The following FOXP4 variants were observed in gnomAD, a reference collection of about 807,000 sequenced individuals.
FOXP4 encodes forkhead box P4.
FOXP4 carries 25 observed loss-of-function variants against 82.6 expected under a neutral mutation model. The ratio of observed to expected loss-of-function variants is 0.30; its 90% confidence interval spans 0.22 to 0.42. FOXP4 has a LOEUF of 0.42. FOXP4 is among the 10% of genes least tolerant of loss of function. FOXP4 has a pLI of 1.00. For missense variants in FOXP4, 785 were observed against 900.9 expected (o/e 0.87, Z 1.65); for synonymous variants, 415 against 388.2 (o/e 1.07, Z -0.81).
chr6:41,571,655 T>G lies in FOXP4; in HGVS notation c.204+5691T>G, dbSNP rs1581736473. On this transcript the variant is annotated intron_variant, in intron 2 of 16. Transcript: ENST00000307972. The stretch of plus-strand genomic sequence containing the variant: ...TTTTACGAGGTTGGTGTAAAAAAAT[T>G]TACAGCCTTTTCCAAAAAGCTTTTT... Among the ~76,000 whole-genome samples, 4 of 152,294 alleles carry G rather than the reference T, an allele frequency of 2.6e-5. No individual in the cohort carries two copies. The East Asian group carries it at 7.7e-4, about 29-fold the overall frequency.
intron 14 of FOXP4, among the ~76,000 whole-genome samples, chr6:41,595,275 C>T (rs1372848032): frequency 6.6e-6 from 1 of 152,240 alleles, no homozygotes; most frequent in African/African-American, 2.4e-5. Flanking sequence ...AGACAGGGGC[C>T]CCAAGTAGCC....
chr6:41,584,946 C>T (rs1437127717), intron 4 of FOXP4, 55 bp downstream of exon 4: 16 of 1,541,078 alleles, frequency 1.0e-5, no homozygotes, highest in South Asian at 8.6e-5. Flanking sequence ...CCTGGCTCCT[C>T]CCACCCTGTT....
In FOXP4 at chr6:41,600,510, C is replaced by T. The variant is rs1014119471; in HGVS notation, c.*1574C>T. ...ATTTCCCAAGAACCCCCCACATACA[C>T]CCCTCACAAGCCACCCCTCCTGAGA... is the stretch of plus-strand genomic sequence containing the variant. On this transcript the variant is annotated 3_prime_UTR_variant, in exon 17 of 17. Transcript: ENST00000307972. 5 of 152,504 alleles carry T rather than the reference C, an allele frequency of 3.3e-5. No homozygotes were observed. The highest frequency in any genetic ancestry group is 7.2e-5 in the African/African-American group (3 of 41,440). 9.4% of individuals were successfully genotyped at this position (152,504 alleles called of 1,614,324 possible). A position where few individuals can be genotyped will look rare whatever the true frequency, so the allele number is the denominator to read the frequency against.
intron 1 of FOXP4, among the ~76,000 whole-genome samples, chr6:41,554,469 C>G (rs1468831498): frequency 1.3e-5 from 2 of 152,216 alleles, no homozygotes; most frequent in African/African-American, 4.8e-5. Flanking sequence ...ACCAGCCTAG[C>G]CCCTGAAGGC....
At chr6:41,578,910 C>T (rs1444531664) in intron 3 of FOXP4, among the ~76,000 whole-genome samples, 1 of 152,050 alleles carries the variant, frequency 6.6e-6, no homozygotes, top group Non-Finnish European at 1.5e-5. Context: ...AGGGATTAAG[C>T]CAGGCTTTGA....
chr6:41,550,836 G>A lies in FOXP4; in HGVS notation c.-17+3969G>A, dbSNP rs577767649. Among the ~76,000 whole-genome samples the A allele has an allele frequency of 3.3e-5, 5 of 152,274 alleles. No individual in the cohort carries two copies. In the South Asian group the frequency reaches 8.3e-4, roughly 25 times the overall value. On this transcript the variant is annotated intron_variant, in intron 1 of 16. Transcript: ENST00000307972. ...AGAGAATTCCCCAGAATGCAGAGGA[G>A]GAAAAATGACTGATAACCCCTCTCT... is the stretch of plus-strand genomic sequence containing the variant.
rs764737959 is a variant in FOXP4 at position 41,597,763 on chromosome 6, A to C, written c.1726-18A>C. The C allele has an allele frequency of 1.2e-6, 2 of 1,602,754 alleles. No individual in the cohort carries two copies. The highest frequency in any genetic ancestry group is 1.7e-6 in the Non-Finnish European group (2 of 1,178,178). ...TCCTGTGGAGCCACTGACGAGGCCC[A>C]ACCCTGTGCCCCTGCAGGCCGCCCT... On this transcript the variant is annotated intron_variant, in intron 15 of 16. Coordinates refer to ENST00000307972, the MANE Select transcript of FOXP4 (RefSeq NM_001012426.2).
At chr6:41,586,900 T>C in intron 5 of FOXP4, 109 bp from the exon 6 acceptor site, 1 of 1,442,248 alleles carries the variant, frequency 6.9e-7, no homozygotes, top group South Asian at 1.4e-5. Context: ...CAACGACAGC[T>C]CCAGGGGCTG....
intron 1 of FOXP4, among the ~76,000 whole-genome samples, chr6:41,548,986 T>C (rs1044305625): frequency 6.6e-6 from 1 of 151,994 alleles, no homozygotes; most frequent in Non-Finnish European, 1.5e-5. Flanking sequence ...CAAAAAACTG[T>C]GAGTTGGGGG....
Position 41,565,730 on chromosome 6 carries a change from C to A in FOXP4, c.-16-15C>A. 6.4e-7 allele frequency: 1 copy of A among 1,565,786 alleles called. No individual in the cohort carries two copies. Among genetic ancestry groups the A allele is most frequent in the South Asian group, 1.2e-5 (1 of 83,344 alleles). The stretch of plus-strand genomic sequence containing the variant: ...CAGCCTCAGCCTCTCCCCTGTGTCT[C>A]TCTTCCTCCTCCAGGTACCGCTAGA... On this transcript the variant is annotated splice_polypyrimidine_tract_variant and intron_variant, in intron 1 of 16. Coordinates refer to ENST00000307972, the MANE Select transcript of FOXP4 (RefSeq NM_001012426.2).
chr6:41,580,355 C>T (rs546903770), intron 3 of FOXP4, among the ~76,000 whole-genome samples: 4 of 152,308 alleles, frequency 2.6e-5, no homozygotes, highest in South Asian at 2.1e-4. Context: ...GGATTACAGG[C>T]GTGAGCCATC....
chr6:41,589,733 A>G, intron 9 of FOXP4, 38 bp from the exon 10 acceptor site: 2 of 1,599,790 alleles, frequency 1.3e-6, no homozygotes, highest in Non-Finnish European at 1.7e-6. Flanking sequence ...TCCAGGGTTC[A>G]GCCTCCCGCT....
chr6:41,553,570 C>T (rs1764116999), intron 1 of FOXP4, among the ~76,000 whole-genome samples: 1 of 152,178 alleles, frequency 6.6e-6, no homozygotes, highest in South Asian at 2.1e-4. Context: ...GGCAGGAGGA[C>T]TTCCCCTCCC....
chr6:41,551,549 T>C (rs1763999563), intron 1 of FOXP4, among the ~76,000 whole-genome samples: 1 of 152,132 alleles, frequency 6.6e-6, no homozygotes, highest in Non-Finnish European at 1.5e-5. Flanking sequence ...TGGAGCCAGT[T>C]GATAGTGCAA....
At chr6:41,551,784 G>A (rs2148342) in intron 1 of FOXP4, among the ~76,000 whole-genome samples, 53,736 of 152,018 alleles carry the variant, frequency 0.35, 10,012 homozygotes, top group African/African-American at 0.47. Context: ...TGAAGGTAGG[G>A]TGGCTTAGGG....
At chr6:41,568,977 C>T (rs1765034042) in intron 2 of FOXP4, among the ~76,000 whole-genome samples, 1 of 152,134 alleles carries the variant, frequency 6.6e-6, no homozygotes. Context: ...GGGGGGTGAC[C>T]TGGCTTGGCT....
In FOXP4 at chr6:41,585,533, AG is replaced by A. The variant is rs1346508697; in HGVS notation, c.510+19del. 1 of 1,610,990 alleles carries A rather than the reference AG, an allele frequency of 6.2e-7. No homozygotes were observed. The highest frequency in any genetic ancestry group is 1.1e-5 in the South Asian group (1 of 90,726). ...GCCCAAAGAGGTAAGGGGCTGTACCAGGGCCCACCACCGCCCTCACCCCCTG... is the reference window on the plus strand; with the variant it reads ...GCCCAAAGAGGTAAGGGGCTGTACCAGGCCCACCACCGCCCTCACCCCCTG... On this transcript the variant is annotated intron_variant, in intron 5 of 16. Transcript: ENST00000307972.
chr6:41,549,895 T>C (rs1040598901), intron 1 of FOXP4, among the ~76,000 whole-genome samples: 1 of 152,160 alleles, frequency 6.6e-6, no homozygotes, highest in Non-Finnish European at 1.5e-5. Context: ...CCAGCCACAG[T>C]GCAAGCCCCC....
rs367979833 is a variant in FOXP4 at position 41,562,980 on chromosome 6, A to G, written c.-16-2765A>G. ...CACCGCCACTAGCCCTCAGGCTGAC[A>G]TGGCCATTAAGGCCTGAGACCGAGT... On this transcript the variant is annotated intron_variant, in intron 1 of 16. Coordinates refer to ENST00000307972, the MANE Select transcript of FOXP4 (RefSeq NM_001012426.2). Among the ~76,000 whole-genome samples, 110 of 152,330 alleles carry G rather than the reference A, an allele frequency of 7.2e-4. 1 individual carries two copies. In the South Asian group the frequency reaches 0.021, roughly 29 times the overall value.
Sources: allele counts gnomAD v4.1 joint callset (sites outside exome capture counted in the v4.1 genomes callset), GRCh38; gene constraint gnomAD v4.1.1; transcripts MANE v1.5; gene names NCBI Gene and HGNC (gene_info 2026-07-23, HGNC 2026-07-21).